INTS7: variants seen among roughly 807,000 people sequenced by gnomAD.
INTS7 encodes chromosome 1 open reading frame 73.
In INTS7, 46 loss-of-function variants were observed where a neutral mutation model predicts 109.2. The observed-to-expected ratio is 0.42, with a 90% CI of 0.33 to 0.54. INTS7 has a LOEUF of 0.54. Among genes scored for constraint, INTS7 ranks in the 20% least tolerant of loss-of-function variants. The pLI is 0.07. For missense variants in INTS7, 929 were observed against 1,132.4 expected (o/e 0.82, Z 2.58); for synonymous variants, 412 against 402.9 (o/e 1.02, Z -0.27).
intron 16 of INTS7, among the ~76,000 whole-genome samples, chr1:211,957,438 C>T (rs958341934): frequency 6.6e-5 from 10 of 151,944 alleles, no homozygotes; most frequent in African/African-American, 2.2e-4. Flanking sequence ...CCCAGCTACT[C>T]GGGAGGCTGA....
chr1:211,957,123 T>A (rs965156577), intron 16 of INTS7, among the ~76,000 whole-genome samples: 1 of 152,226 alleles, frequency 6.6e-6, no homozygotes, highest in African/African-American at 2.4e-5. Flanking sequence ...TCTGTTCTAG[T>A]GGGAGTAGTA....
intron 13 of INTS7, among the ~76,000 whole-genome samples, chr1:211,971,578 C>A (rs931096260): frequency 6.6e-6 from 1 of 152,016 alleles, no homozygotes; most frequent in African/African-American, 2.4e-5. Context: ...AAACAAGCAA[C>A]ATAAAACAGA....
At chr1:211,945,022 C>T (rs1224741425) in intron 18 of INTS7, 53 bp from the exon 19 acceptor site, 51 of 1,551,910 alleles carry the variant, frequency 3.3e-5, no homozygotes, top group East Asian at 3.1e-4. Flanking sequence ...AGCTTCCTTC[C>T]GACAAACATG....
rs769848823 is a variant in INTS7, at chr1:211,978,451, C to T, written c.1291G>A (p.Val431Ile). ...KGRPHLSQSVVETLLTQLHSA... is the reference protein window; with the variant it reads ...KGRPHLSQSVIETLLTQLHSA... The stretch of plus-strand genomic sequence containing the variant: ...TGCAATTGAGTCAACAAGGTCTCAA[C>T]TACTGACTGGCTAAGATGGGGCCTG... The change falls in exon 11 of 20, where the codon GTT becomes ATT. Residue 431 changes from valine (V) to isoleucine (I), a missense_variant. By Grantham distance (29) the Val-to-Ile change is conservative. Coordinates refer to ENST00000366994, the MANE Select transcript of INTS7 (RefSeq NM_015434.4). The T allele has an allele frequency of 6.2e-7, 1 of 1,614,202 alleles. No individual in the cohort carries two copies. The highest frequency in any genetic ancestry group is 1.1e-5 in the South Asian group (1 of 91,086).
At chr1:212,012,147 C>A (rs1250478729) in intron 4 of INTS7, among the ~76,000 whole-genome samples, 1 of 152,094 alleles carries the variant, frequency 6.6e-6, no homozygotes. Flanking sequence ...CACTAGGGGA[C>A]ACTGCTCTCA....
intron 16 of INTS7, among the ~76,000 whole-genome samples, chr1:211,953,411 T>C (rs1320541464): frequency 6.6e-6 from 1 of 152,110 alleles, no homozygotes; most frequent in African/African-American, 2.4e-5. Context: ...AATTTTATTA[T>C]CATTATACTT....
At chr1:212,021,473 C>T (rs773686805) in intron 1 of INTS7, among the ~76,000 whole-genome samples, 10 of 151,532 alleles carry the variant, frequency 6.6e-5, no homozygotes, top group Non-Finnish European at 1.5e-4. Context: ...TAAAATAAAT[C>T]TCAACACATT....
At chr1:212,031,902 GGCA>G (rs1306892362) in intron 1 of INTS7, among the ~76,000 whole-genome samples, 1 of 152,188 alleles carries the variant, frequency 6.6e-6, no homozygotes, top group African/African-American at 2.4e-5. Flanking sequence ...GGTTATGAAT[GGCA>G]GCATTTCCTG....
intron 7 of INTS7, among the ~76,000 whole-genome samples, chr1:211,989,413 T>A (rs1665046199): frequency 6.6e-6 from 1 of 151,192 alleles, no homozygotes. Flanking sequence ...AAACCAAAAC[T>A]GTAAAAAGTA....
At chr1:211,969,582 G>T (rs528354415) in intron 13 of INTS7, among the ~76,000 whole-genome samples, 25 of 126,314 alleles carry the variant, frequency 2.0e-4, no homozygotes, top group Admixed American at 6.3e-4. Flanking sequence ...TTGAGACAGG[G>T]TATCATTCTA....
chr1:211,984,523 G>A (rs894881666), intron 8 of INTS7, among the ~76,000 whole-genome samples: 4 of 152,028 alleles, frequency 2.6e-5, no homozygotes, highest in African/African-American at 9.7e-5. Context: ...GTAGATACTG[G>A]CCAATATTCT....
chr1:211,972,457 A>G (rs1664223356), intron 13 of INTS7, among the ~76,000 whole-genome samples: 1 of 152,214 alleles, frequency 6.6e-6, no homozygotes, highest in African/African-American at 2.4e-5. Flanking sequence ...GAACGTTTCA[A>G]ATTTTGAATT....
At chr1:211,958,854 C>G (rs1663481108) in intron 16 of INTS7, among the ~76,000 whole-genome samples, 1 of 152,050 alleles carries the variant, frequency 6.6e-6, no homozygotes, top group African/African-American at 2.4e-5. Context: ...CTAGACACAG[C>G]CAGGTGGAAC....
intron 4 of INTS7, among the ~76,000 whole-genome samples, chr1:212,013,559 A>G (rs555803935): frequency 6.6e-6 from 1 of 152,368 alleles, no homozygotes; most frequent in African/African-American, 2.4e-5. Flanking sequence ...TAGGAAGTCT[A>G]CAGTAATATA....
chr1:211,948,868 T>C (rs1489502298), intron 17 of INTS7, among the ~76,000 whole-genome samples: 1 of 152,190 alleles, frequency 6.6e-6, no homozygotes, highest in South Asian at 2.1e-4. Flanking sequence ...CCACCACGCC[T>C]GGCTAACTTT....
intron 7 of INTS7, 134 bp from the exon 8 acceptor site, chr1:211,988,137 T>C (rs1664976494): frequency 2.0e-6 from 1 of 503,726 alleles, no homozygotes; most frequent in African/African-American, 2.0e-5. Flanking sequence ...AAAACTTAAA[T>C]CGAGGCCAGG....
chr1:211,954,408 C>T (rs1305032887), intron 16 of INTS7, among the ~76,000 whole-genome samples: 4 of 152,152 alleles, frequency 2.6e-5, no homozygotes, highest in Admixed American at 2.6e-4. Flanking sequence ...TAATTAGACC[C>T]CATTTGTGAA....
intron 16 of INTS7, 40 bp from the exon 17 acceptor site, chr1:211,952,741 C>G (rs778106685): frequency 1.3e-6 from 2 of 1,567,064 alleles, no homozygotes; most frequent in Non-Finnish European, 1.7e-6. Flanking sequence ...ATCAAAATAG[C>G]ATGGCTATTT....
chr1:212,000,500 T>C (rs1359499427), intron 7 of INTS7, among the ~76,000 whole-genome samples: 1 of 152,142 alleles, frequency 6.6e-6, no homozygotes, highest in African/African-American at 2.4e-5. Context: ...AACCCTACAA[T>C]CTGTCAAAGT....
Sources: gnomAD v4.1 joint callset for allele counts (sites outside exome capture counted in the v4.1 genomes callset) on GRCh38, gnomAD v4.1.1 for gene constraint, MANE v1.5 for transcripts, NCBI Gene and HGNC (gene_info 2026-07-23, HGNC 2026-07-21) for gene names.